TSPAN5: variants seen among roughly 807,000 people sequenced by gnomAD.
TSPAN5 encodes the protein tetraspanin-5.
TSPAN5 carries 10 observed loss-of-function variants against 37.1 expected under a neutral mutation model. That is an observed-to-expected ratio of 0.27 (90% CI 0.17 to 0.46). TSPAN5 has a LOEUF of 0.46. Among genes scored for constraint, TSPAN5 ranks in the 20% least tolerant of loss-of-function variants. The pLI is 1.00. For missense variants in TSPAN5, 195 were observed against 326.6 expected (o/e 0.60, Z 3.11); for synonymous variants, 110 against 118.9 (o/e 0.93, Z 0.48).
At chr4:98,560,817 A>G (rs1349108187) in intron 1 of TSPAN5, among the ~76,000 whole-genome samples, 1 of 152,236 alleles carries the variant, frequency 6.6e-6, no homozygotes, top group African/African-American at 2.4e-5. Flanking sequence ...GAGCTTTTCC[A>G]GACTGAGTGG....
chr4:98,554,303 T>C (rs1754689529), intron 1 of TSPAN5, among the ~76,000 whole-genome samples: 1 of 152,218 alleles, frequency 6.6e-6, no homozygotes, highest in Non-Finnish European at 1.5e-5. Flanking sequence ...TTTTTAGCGG[T>C]GTTTTTAAAA....
rs781074624 is a variant in TSPAN5, at chr4:98,476,332, T to C, written c.625-27A>G. ...TTCACAAGAGAAGAGGAGAGCACAT[T>C]GTCACAGATAGAGCACCAGGCACAG... On this transcript the variant is annotated intron_variant, in intron 6 of 7. Coordinates refer to ENST00000305798, the MANE Select transcript of TSPAN5 (RefSeq NM_005723.4). 4 of 1,613,304 alleles carry C rather than the reference T, an allele frequency of 2.5e-6. No homozygotes were observed. In the South Asian group the frequency reaches 3.3e-5, roughly 13 times the overall value.
intron 1 of TSPAN5, among the ~76,000 whole-genome samples, chr4:98,591,732 T>C (rs1170555218): frequency 1.4e-5 from 2 of 144,922 alleles, no homozygotes; most frequent in Non-Finnish European, 1.5e-5. Flanking sequence ...TTAATGTGTC[T>C]ACCAGAAATA....
chr4:98,500,746 A>G (rs1753328394), intron 2 of TSPAN5, among the ~76,000 whole-genome samples: 1 of 152,130 alleles, frequency 6.6e-6, no homozygotes, highest in Non-Finnish European at 1.5e-5. Context: ...GCATGTTCTC[A>G]TTGGCTTAGT....
intron 1 of TSPAN5, among the ~76,000 whole-genome samples, chr4:98,523,473 T>C (rs1168017195): frequency 6.6e-6 from 1 of 152,194 alleles, no homozygotes; most frequent in Non-Finnish European, 1.5e-5. Context: ...CTCCGTCTGT[T>C]GCCCAGGCTG....
intron 1 of TSPAN5, among the ~76,000 whole-genome samples, chr4:98,592,448 T>TTTTTTTTTTTTTA (rs1755667937): frequency 4.7e-5 from 6 of 127,166 alleles, no homozygotes; most frequent in African/African-American, 1.8e-4. Flanking sequence ...TTTTTTTTTT[T>TTTTTTTTTTTTTA]ATTATACTCT....
chr4:98,582,979 A>C (rs1248615348), intron 1 of TSPAN5, among the ~76,000 whole-genome samples: 1 of 152,216 alleles, frequency 6.6e-6, no homozygotes, highest in Non-Finnish European at 1.5e-5. Context: ...ACCGTATAAA[A>C]GCACTGGAGG....
chr4:98,577,708 T>G (rs78533029), intron 1 of TSPAN5, among the ~76,000 whole-genome samples: 5,655 of 152,314 alleles, frequency 0.037, 264 homozygotes, highest in African/African-American at 0.11. Context: ...TTAGGAGCAC[T>G]GGCTCCAGAG....
At chr4:98,632,070 G>T (rs1354667370) in intron 1 of TSPAN5, among the ~76,000 whole-genome samples, 8 of 151,980 alleles carry the variant, frequency 5.3e-5, no homozygotes, top group Non-Finnish European at 1.5e-5. Flanking sequence ...TGTTTGTTTG[G>T]CCAAACACAA....
intron 1 of TSPAN5, among the ~76,000 whole-genome samples, chr4:98,530,157 G>A (rs1754048854): frequency 6.6e-6 from 1 of 152,228 alleles, no homozygotes; most frequent in Admixed American, 6.5e-5. Flanking sequence ...TGGGTAGGCA[G>A]AAGGGCCTGC....
intron 1 of TSPAN5, among the ~76,000 whole-genome samples, chr4:98,621,725 T>C (rs1475555677): frequency 6.6e-6 from 1 of 152,082 alleles, no homozygotes; most frequent in Admixed American, 6.5e-5. Flanking sequence ...CACAATATAG[T>C]GCAGCCAGCA....
intron 1 of TSPAN5, among the ~76,000 whole-genome samples, chr4:98,570,691 A>G (rs1376071607): frequency 1.3e-5 from 2 of 152,174 alleles, no homozygotes; most frequent in Non-Finnish European, 2.9e-5. Context: ...AGAAACAGAG[A>G]GAGATGGACT....
chr4:98,625,441 C>G (rs1205989701), intron 1 of TSPAN5, among the ~76,000 whole-genome samples: 1 of 152,178 alleles, frequency 6.6e-6, no homozygotes, highest in Non-Finnish European at 1.5e-5. Flanking sequence ...CCCAGTTAAT[C>G]AAGGTAAGAC....
At chr4:98,536,348 G>T (rs982675086) in intron 1 of TSPAN5, among the ~76,000 whole-genome samples, 1 of 152,146 alleles carries the variant, frequency 6.6e-6, no homozygotes, top group Non-Finnish European at 1.5e-5. Flanking sequence ...CGGAAGCAAA[G>T]ATTCCTGCCT....
chr4:98,620,776 G>C (rs1276732710), intron 1 of TSPAN5, among the ~76,000 whole-genome samples: 1 of 152,206 alleles, frequency 6.6e-6, no homozygotes, highest in African/African-American at 2.4e-5. Context: ...AGAGTAAAAA[G>C]GCTGACAAGG....
chr4:98,643,312 G>A (rs1005884839), intron 1 of TSPAN5, among the ~76,000 whole-genome samples: 8 of 152,208 alleles, frequency 5.3e-5, no homozygotes, highest in East Asian at 1.9e-4. Context: ...GCTACACACC[G>A]TCTATGTTTG....
At chr4:98,619,846 G>A (rs943446254) in intron 1 of TSPAN5, among the ~76,000 whole-genome samples, 12 of 152,122 alleles carry the variant, frequency 7.9e-5, no homozygotes, top group Non-Finnish European at 1.3e-4. Flanking sequence ...TTCAGATGGT[G>A]CACTCTCACT....
chr4:98,640,675 A>G (rs964910950), intron 1 of TSPAN5, among the ~76,000 whole-genome samples: 3 of 152,026 alleles, frequency 2.0e-5, no homozygotes, highest in African/African-American at 7.3e-5. Flanking sequence ...ATGGAGATAC[A>G]CTCTCCTCCA....
intron 1 of TSPAN5, among the ~76,000 whole-genome samples, chr4:98,530,541 G>A (rs1228817489): frequency 6.6e-6 from 1 of 152,202 alleles, no homozygotes; most frequent in Non-Finnish European, 1.5e-5. Flanking sequence ...CTTCGGCCAT[G>A]AAAGTTGAAA....
Sources: gnomAD v4.1 joint callset for allele counts (sites outside exome capture counted in the v4.1 genomes callset) on GRCh38, gnomAD v4.1.1 for gene constraint, MANE v1.5 for transcripts, NCBI Gene and HGNC (gene_info 2026-07-23, HGNC 2026-07-21) for gene names.